The following NOS1 variants were observed in gnomAD, a reference collection of about 807,000 sequenced individuals.
NOS1 encodes the protein nitric oxide synthase 1.
Under a neutral mutation model 164.5 loss-of-function variants are expected in NOS1, and 51 were observed. The ratio of observed to expected loss-of-function variants is 0.31; its 90% CI spans 0.25 to 0.39. The LOEUF (loss-of-function observed/expected upper bound fraction) is 0.39, where lower values mean the gene tolerates loss of function less well. NOS1 is among the 10% of genes least tolerant of loss of function. The pLI is 1.00. For synonymous variants in NOS1, 719 were observed against 745.8 expected (o/e 0.96, Z 0.59); for missense variants, 1,362 against 1,885.6 (o/e 0.72, Z 5.14).
chr12:117,346,341 C>G (rs373720609), intron 1 of NOS1, among the ~76,000 whole-genome samples: 3 of 152,060 alleles, frequency 2.0e-5, no homozygotes, highest in East Asian at 1.9e-4. Flanking sequence ...CGTGGTGGCA[C>G]GTGCATGTAA....
intron 11 of NOS1, among the ~76,000 whole-genome samples, chr12:117,265,976 T>A (rs1050156270): frequency 1.3e-5 from 2 of 151,466 alleles, no homozygotes; most frequent in African/African-American, 4.8e-5. Context: ...TTTTTTGTAT[T>A]TTTTAGTAGA....
intron 1 of NOS1, among the ~76,000 whole-genome samples, chr12:117,335,151 G>A (rs1453609756): frequency 6.6e-6 from 1 of 152,174 alleles, no homozygotes; most frequent in African/African-American, 2.4e-5. Flanking sequence ...AATAGATAAC[G>A]ATTCGGACTT....
At chr12:117,220,682 T>C (rs3782195) in intron 26 of NOS1, among the ~76,000 whole-genome samples, 1,967 of 152,096 alleles carry the variant, frequency 0.013, 17 homozygotes, top group East Asian at 0.054. Context: ...CACCCTATGT[T>C]ACAGTGCCAG....
chr12:117,336,919 CCT>C (rs1301233418), intron 1 of NOS1, among the ~76,000 whole-genome samples: 1 of 151,780 alleles, frequency 6.6e-6, no homozygotes, highest in Admixed American at 6.6e-5. Flanking sequence ...ACTTCAGCCC[CCT>C]GAGTAGCTGG....
intron 13 of NOS1, among the ~76,000 whole-genome samples, chr12:117,262,423 GGAGGGAGA>G (rs1239101259): frequency 1.4e-5 from 2 of 143,820 alleles, no homozygotes; most frequent in African/African-American, 5.3e-5. Flanking sequence ...AGGGAGGGAG[GGAGGGAGA>G]GAGAGAGAGA....
intron 11 of NOS1, among the ~76,000 whole-genome samples, chr12:117,267,824 C>T (rs1354399764): frequency 6.6e-6 from 1 of 152,088 alleles, no homozygotes. Context: ...ACTCCTCTAC[C>T]CCTGCCACCA....
chr12:117,288,123 A>G lies in NOS1; in HGVS notation c.1078T>C (p.Phe360Leu), dbSNP rs1872822943. ...PEDVRTKGQLFPLAKEFIDQY... is the reference protein window; with the variant it reads ...PEDVRTKGQLLPLAKEFIDQY... ...TCAATAAACTCTTTGGCGAGAGGGA[A>G]GAGCTGTCCTTTTGTGCGGACGTCT... Residue 360 changes from phenylalanine (F) to leucine (L), a missense_variant, in exon 5 of 29, where the codon TTC (phenylalanine) becomes CTC (leucine). Coordinates refer to ENST00000317775, the MANE Select transcript of NOS1 (RefSeq NM_000620.5). 1.2e-6 allele frequency: 2 copies of G among 1,613,972 alleles called. No homozygotes were observed. The highest frequency in any genetic ancestry group is 2.7e-5 in the African/African-American group (2 of 74,938).
At chr12:117,255,938 G>C (rs888233391) in intron 16 of NOS1, 24 of 1,493,502 alleles carry the variant, frequency 1.6e-5, no homozygotes, top group Non-Finnish European at 1.8e-5. Context: ...CACTCTACCT[G>C]TGCTGGCTGT....
chr12:117,227,546 C>G lies in NOS1; in HGVS notation c.3501G>C (p.Leu1167=). ...EFPSIQMPAT[L]LLTQLSLLQP... ...GCAGCAGGGACAGCTGGGTCAGGAG[C>G]AGGGTGGCCGGCATCTGGATAGATG... is the stretch of plus-strand genomic sequence containing the variant. The change falls in exon 23 of 29, where the codon CTG becomes CTC. Residue 1167 remains leucine, a synonymous_variant. Transcript: ENST00000317775. The G allele has an allele frequency of 6.2e-7, 1 of 1,613,148 alleles. No individual in the cohort carries two copies. Among genetic ancestry groups the G allele is most frequent in the Non-Finnish European group, 8.5e-7 (1 of 1,179,532 alleles).
Position 117,246,333 on chromosome 12 carries a change from A to G in NOS1, c.2823+1015T>C, listed in dbSNP as rs9658468. Among the ~76,000 whole-genome samples, 151 of 152,240 alleles carry G rather than the reference A, an allele frequency of 9.9e-4. 1 individual carries two copies. The highest frequency in any genetic ancestry group is 1.5e-3 in the Non-Finnish European group (103 of 68,028). ...TTATTTTTTAAGCAGATGAGGTCTC[A>G]CTATGTTGCCCAGGCTGGTCTTGAG... On this transcript the variant is annotated intron_variant, in intron 18 of 28. Coordinates refer to ENST00000317775, the MANE Select transcript of NOS1 (RefSeq NM_000620.5).
At chr12:117,283,925 G>A (rs185295664) in intron 7 of NOS1, among the ~76,000 whole-genome samples, 3 of 148,322 alleles carry the variant, frequency 2.0e-5, no homozygotes, top group Admixed American at 1.4e-4. Flanking sequence ...GCCTAATCTC[G>A]ACCAGGTCCG....
At chr12:117,349,276 G>A (rs1233442099) in intron 1 of NOS1, among the ~76,000 whole-genome samples, 5 of 152,210 alleles carry the variant, frequency 3.3e-5, no homozygotes, top group African/African-American at 7.2e-5. Context: ...GTTCATCCAT[G>A]TTACAGCATA....
chr12:117,212,208 C>A lies in NOS1; in HGVS notation c.*3101G>T, dbSNP rs1393379988. On this transcript the variant is annotated 3_prime_UTR_variant, in exon 29 of 29. Transcript: ENST00000317775. ...AATTAAAATGCAGTAAGTTTTGAAC[C>A]AGGTACTGTAACTGGGCATTTCGTG... 1.0e-6 allele frequency: 1 copy of A among 985,194 alleles called. No homozygotes were observed. Among genetic ancestry groups the A allele is most frequent in the Admixed American group, 6.2e-5 (1 of 16,246 alleles). The allele number at this position is 985,194 out of a possible 1,614,324, so 61.0% of individuals were successfully genotyped here.
In NOS1 at chr12:117,227,905, T is replaced by C. The variant is rs779778800; in HGVS notation, c.3406-264A>G. Among the ~76,000 whole-genome samples, 5 of 151,984 alleles carry C rather than the reference T, an allele frequency of 3.3e-5. 1 individual carries two copies. Among genetic ancestry groups the C allele is most frequent in the African/African-American group, 4.8e-5 (2 of 41,384 alleles). ...TTAGCTGGATGTGGTGGTGGATGTC[T>C]GCAGTACCCCAGTTTCTTGGGAGGA... is the stretch of plus-strand genomic sequence containing the variant. On this transcript the variant is annotated intron_variant, in intron 22 of 28. Coordinates refer to ENST00000317775, the MANE Select transcript of NOS1 (RefSeq NM_000620.5).
At chr12:117,261,346 C>T (rs1156383541) in intron 13 of NOS1, among the ~76,000 whole-genome samples, 3 of 152,080 alleles carry the variant, frequency 2.0e-5, no homozygotes, top group Non-Finnish European at 4.4e-5. Context: ...CTCTCTCTTT[C>T]ATTCATCAAA....
rs1302361946 is a variant in NOS1 at position 117,330,372 on chromosome 12, A to C, written c.698T>G (p.Met233Arg). Residue 233 changes from methionine to arginine, a missense_variant, in exon 2 of 29, where the codon ATG becomes AGG. Physicochemically the swap from Met to Arg is moderately conservative, Grantham distance 91. Around this residue, in one of 4 missense-constraint regions of NOS1, gnomAD observed 362 missense variants for 402.0 expected, o/e 0.90. Coordinates refer to ENST00000317775, the MANE Select transcript of NOS1 (RefSeq NM_000620.5). This position sits in a 1 kb window ranked among gnomAD's most constrained non-coding sequence, Gnocchi z 4.6. ...VKGGAPAKAE[M>R]KDMGIQVDRD... is the part of the protein sequence containing the mutation. ...GTCCACCTGGATTCCCATATCTTTC[A>C]TCTCTGCCTTGGCAGGTGCCCCTCC... 8.7e-6 allele frequency: 14 copies of C among 1,613,020 alleles called. No homozygotes were observed. Among genetic ancestry groups the C allele is most frequent in the Non-Finnish European group, 1.2e-5 (14 of 1,179,694 alleles).
chr12:117,241,142 G>A (rs1190463462), intron 20 of NOS1, among the ~76,000 whole-genome samples: 2 of 151,832 alleles, frequency 1.3e-5, no homozygotes, highest in Non-Finnish European at 1.5e-5. Context: ...GTTTCACCAC[G>A]TTGGTCAGGC....
At chr12:117,358,329 C>T (rs879864313) in intron 1 of NOS1, among the ~76,000 whole-genome samples, 1 of 147,680 alleles carries the variant, frequency 6.8e-6, no homozygotes, top group Admixed American at 6.9e-5. Flanking sequence ...TCACAATACC[C>T]CCGCCCTCTC....
chr12:117,251,165 C>A (rs864641), intron 17 of NOS1, among the ~76,000 whole-genome samples: 14,324 of 152,078 alleles, frequency 0.094, 709 homozygotes, highest in South Asian at 0.11. Context: ...TGGAAGGCAC[C>A]GTCTATGAGC....
Sources: allele counts gnomAD v4.1 joint callset (sites outside exome capture counted in the v4.1 genomes callset), GRCh38; gene constraint gnomAD v4.1.1; regional missense constraint gnomAD v4.1.1; non-coding constraint Gnocchi (gnomAD v3.1); transcripts MANE v1.5; gene names NCBI Gene and HGNC (gene_info 2026-07-23, HGNC 2026-07-21).